Variants in GAPDHS observed in about 807,000 individuals in gnomAD.
The protein encoded by GAPDHS is glyceraldehyde-3-phosphate dehydrogenase, spermatogenic.
Under a neutral mutation model 48.7 loss-of-function variants are expected in GAPDHS, and 42 were observed. The observed-to-expected ratio is 0.86, with a 90% CI of 0.67 to 1.12. The LOEUF is 1.12. Among genes scored for constraint, GAPDHS ranks in the 50% most tolerant of loss-of-function variants. The probability of loss-of-function intolerance (pLI) is 0.00; values close to 1 mark genes in which losing one functional copy is unlikely to be tolerated. For missense variants in GAPDHS, 512 were observed against 557.7 expected (o/e 0.92, Z 0.82); for synonymous variants, 166 against 219.1 (o/e 0.76, Z 2.14).
intron 9 of GAPDHS, chr19:35,544,141 C>G (rs956263052): frequency 3.4e-6 from 1 of 296,350 alleles, no homozygotes; most frequent in Non-Finnish European, 6.3e-6. Context: ...TCACTGTTGG[C>G]CCCAGTGGTG....
chr19:35,543,831 G>A lies in GAPDHS; in HGVS notation c.1056+4G>A. On this transcript the variant is annotated splice_donor_region_variant and intron_variant, in intron 9 of 10. Coordinates refer to ENST00000222286, the MANE Select transcript of GAPDHS (RefSeq NM_014364.5). Reference sequence around the variant, plus strand: ...CCTTGCCTACACCGAGGATGAGGTAGGGGCTGAGGAGAGGAGACCCTGGGA... The same window carrying A: ...CCTTGCCTACACCGAGGATGAGGTAAGGGCTGAGGAGAGGAGACCCTGGGA... 6.2e-7 allele frequency: 1 copy of A among 1,604,376 alleles called. No individual in the cohort carries two copies. The highest frequency in any genetic ancestry group is 8.5e-7 in the Non-Finnish European group (1 of 1,175,578).
intron 1 of GAPDHS, among the ~76,000 whole-genome samples, chr19:35,534,975 G>C (rs1056660570): frequency 1.3e-5 from 2 of 151,990 alleles, no homozygotes; most frequent in African/African-American, 4.8e-5. Flanking sequence ...AATCTGTGTA[G>C]GATCAGACTT....
chr19:35,543,178 C>G, intron 7 of GAPDHS, 152 bp downstream of exon 7: 1 of 1,021,666 alleles, frequency 9.8e-7, no homozygotes, highest in Non-Finnish European at 1.5e-6. Flanking sequence ...ACTGTGCAAC[C>G]CTCAGGCAAG....
chr19:35,538,481 C>A, intron 3 of GAPDHS, 78 bp downstream of exon 3: 1 of 1,272,220 alleles, frequency 7.9e-7, no homozygotes, highest in Non-Finnish European at 1.1e-6. Context: ...GTATGGAAGG[C>A]TCTCAGCTGT....
chr19:35,543,492 G>T lies in GAPDHS; in HGVS notation c.893+1G>T. The T allele has an allele frequency of 6.2e-7, 1 of 1,600,382 alleles. No homozygotes were observed. The highest frequency in any genetic ancestry group is 8.5e-7 in the Non-Finnish European group (1 of 1,175,292). On this transcript the variant is annotated splice_donor_variant, in intron 8 of 10. Transcript: ENST00000222286. LOFTEE classifies it high-confidence loss of function. ...CCAAAGTCATCCCAGAGCTCAAAGG[G>T]TATGAGGACAAGAAGCTGCAACCAG...
Position 35,536,097 on chromosome 19 carries a change from G to A in GAPDHS, c.68-716G>A, listed in dbSNP as rs191650715. On this transcript the variant is annotated intron_variant, in intron 1 of 10. Transcript: ENST00000222286. ...GGACCACTGGGCTAAATCAATTATT[G>A]GACAAATTCGGGGAACAATCTACAA... Among the ~76,000 whole-genome samples, 320 of 152,048 alleles carry A rather than the reference G, an allele frequency of 2.1e-3. 1 individual carries two copies. Among genetic ancestry groups the A allele is most frequent in the Non-Finnish European group, 3.9e-3 (267 of 67,970 alleles).
At chr19:35,542,857 T>C (rs1263793099) in intron 6 of GAPDHS, 88 bp from the exon 7 acceptor site, 1 of 978,366 alleles carries the variant, frequency 1.0e-6, no homozygotes, top group Non-Finnish European at 1.7e-6. Flanking sequence ...TAAAACCAAG[T>C]CTGCGTGCAT....
Position 35,542,559 on chromosome 19 carries a change from A to G in GAPDHS, c.610A>G (p.Met204Val). ...APSPDAPMFV[M>V]GVNENDYNPG... ...CTCACCGGATGCACCAATGTTCGTC[A>G]TGGGTGTCAATGAAAATGACTATAA... The change falls in exon 6 of 11, where the codon ATG becomes GTG. Residue 204 changes from methionine (M) to valine (V), a missense_variant. By Grantham distance (21) the Met-to-Val change is conservative (BLOSUM62 1). Transcript: ENST00000222286. The G allele has an allele frequency of 2.5e-6, 4 of 1,613,866 alleles. No individual in the cohort carries two copies. The highest frequency in any genetic ancestry group is 1.1e-5 in the South Asian group (1 of 91,082).
chr19:35,539,025 C>T (rs2071484110), intron 4 of GAPDHS, among the ~76,000 whole-genome samples: 1 of 152,120 alleles, frequency 6.6e-6, no homozygotes, highest in Non-Finnish European at 1.5e-5. Flanking sequence ...GTGGTCCTCC[C>T]ACCTCGGCCT....
At chr19:35,538,937 G>A (rs945347909) in intron 4 of GAPDHS, among the ~76,000 whole-genome samples, 2 of 152,052 alleles carry the variant, frequency 1.3e-5, no homozygotes, top group African/African-American at 2.4e-5. Context: ...TTTTAGGGAC[G>A]GGGTATCACT....
At chr19:35,537,087 T>C (rs532854461) in intron 2 of GAPDHS, 97 bp downstream of exon 2, 7 of 1,070,850 alleles carry the variant, frequency 6.5e-6, no homozygotes, top group African/African-American at 1.6e-5. Context: ...CCCCCATCAA[T>C]GCTTTCGTTC....
rs774990638 is a variant in GAPDHS at position 35,538,681 on chromosome 19, G to T, written c.447G>T (p.Gln149His). 7.1e-6 allele frequency: 11 copies of T among 1,552,956 alleles called. No homozygotes were observed. Among genetic ancestry groups the T allele is most frequent in the Non-Finnish European group, 9.8e-6 (11 of 1,124,186 alleles). Reference sequence around the variant, plus strand: ...ACAACCATGAGATCTCTGTCTACCAGTGGTAAGGAAAGCATCTGTCTGATG... The same window carrying T: ...ACAACCATGAGATCTCTGTCTACCATTGGTAAGGAAAGCATCTGTCTGATG... ...VVDNHEISVY[Q>H]CKEPKQIPWR... Residue 149 changes from glutamine (Q) to histidine (H), a missense_variant and splice_region_variant, in exon 4 of 11, where the codon CAG (glutamine) becomes CAT (histidine). Physicochemically the swap from Gln to His is conservative, Grantham distance 24. Transcript: ENST00000222286.
At chr19:35,537,360 G>A (rs189884306) in intron 2 of GAPDHS, among the ~76,000 whole-genome samples, 4 of 152,300 alleles carry the variant, frequency 2.6e-5, no homozygotes, top group African/African-American at 9.6e-5. Flanking sequence ...TGCTGGGGAA[G>A]GAGTCTTCCA....
rs981654133 is a variant in GAPDHS at position 35,543,791 on chromosome 19, G to A, written c.1020G>A (p.Gly340=). 2.5e-6 allele frequency: 4 copies of A among 1,613,330 alleles called. No homozygotes were observed. The highest frequency in any genetic ancestry group is 3.4e-6 in the Non-Finnish European group (4 of 1,179,828). ...AGGCTGTAAAAGCAGCAGCCAAGGG[G>A]CCCATGGCTGGCATCCTTGCCTACA... ...IKEAVKAAAK[G]PMAGILAYTE... The change falls in exon 9 of 11, where the codon GGG becomes GGA. Residue 340 remains glycine (G), a synonymous_variant. Transcript: ENST00000222286.
intron 4 of GAPDHS, among the ~76,000 whole-genome samples, chr19:35,540,339 G>C (rs1289341781): frequency 1.3e-5 from 2 of 152,216 alleles, no homozygotes; most frequent in African/African-American, 4.8e-5. Context: ...AAAACAGCCT[G>C]GTGGGCAGGA....
chr19:35,538,498 A>C, intron 3 of GAPDHS, 79 bp from the exon 4 acceptor site: 1 of 1,259,820 alleles, frequency 7.9e-7, no homozygotes, highest in Non-Finnish European at 1.2e-6. Context: ...CTGTAATGTG[A>C]GACCTTCACC....
chr19:35,542,730 T>C (rs2071513409), intron 6 of GAPDHS, 122 bp downstream of exon 6: 1 of 791,298 alleles, frequency 1.3e-6, no homozygotes, highest in Non-Finnish European at 2.1e-6. Flanking sequence ...AACTATCTGC[T>C]AAAAACGCAT....
At chr19:35,539,335 G>A (rs945925004) in intron 4 of GAPDHS, among the ~76,000 whole-genome samples, 2 of 152,224 alleles carry the variant, frequency 1.3e-5, no homozygotes, top group African/African-American at 4.8e-5. Flanking sequence ...AGGGAGGAAG[G>A]TATAATGAGG....
At chr19:35,534,624 G>C (rs964009610) in intron 1 of GAPDHS, among the ~76,000 whole-genome samples, 1 of 152,036 alleles carries the variant, frequency 6.6e-6, no homozygotes, top group Non-Finnish European at 1.5e-5. Context: ...AGTTTTCTTC[G>C]GAAGGGTCAC....
Sources: gnomAD v4.1 joint callset for allele counts (sites outside exome capture counted in the v4.1 genomes callset) on GRCh38, gnomAD v4.1.1 for gene constraint, MANE v1.5 for transcripts, NCBI Gene and HGNC (gene_info 2026-07-23, HGNC 2026-07-21) for gene names.